Variants in FGD5 observed in about 807,000 individuals in gnomAD.
FGD5 encodes the protein FYVE, RhoGEF and PH domain containing 5.
A neutral mutation model predicts 133.4 loss-of-function variants in FGD5; 28 were observed. The ratio of observed to expected loss-of-function variants is 0.21; its 90% CI spans 0.16 to 0.29. FGD5 has a LOEUF of 0.29. Ranked by LOEUF, FGD5 falls within the 10% of genes least tolerant of loss-of-function variation. The probability of loss-of-function intolerance (pLI) is 1.00; values close to 1 mark genes in which losing one functional copy is unlikely to be tolerated. For missense variants in FGD5, 1,858 were observed against 1,895.2 expected (o/e 0.98, Z 0.36); for synonymous variants, 810 against 776.5 (o/e 1.04, Z -0.72).
chr3:14,845,934 G>T (rs114334392), intron 1 of FGD5, among the ~76,000 whole-genome samples: 2 of 152,160 alleles, frequency 1.3e-5, no homozygotes, highest in Non-Finnish European at 2.9e-5. Flanking sequence ...AGACATGAAG[G>T]ATGTGGAGTG....
chr3:14,898,796 C>T lies in FGD5; in HGVS notation c.3124C>T (p.Arg1042Cys), dbSNP rs1186736840. ...AKHRLLRVVQRLFQYQVLLTD... is the reference protein window; with the variant it reads ...AKHRLLRVVQCLFQYQVLLTD... ...GCATCGGCTGCTGCGGGTGGTTCAA[C>T]GCCTCTTCCAGTACCAAGTGCTCCT... is the stretch of plus-strand genomic sequence containing the variant. The change falls in exon 7 of 20, where the codon CGC (arginine) becomes TGC (cysteine). Residue 1042 changes from arginine to cysteine, a missense_variant. Around this residue, in one of 3 missense-constraint regions of FGD5, gnomAD observed 1,824 missense variants for 1,848.9 expected, o/e 0.99. Transcript: ENST00000285046. The T allele has an allele frequency of 1.9e-6, 3 of 1,581,868 alleles. No homozygotes were observed. The highest frequency in any genetic ancestry group is 1.8e-5 in the Admixed American group (1 of 55,294).
intron 2 of FGD5, among the ~76,000 whole-genome samples, chr3:14,878,925 T>A (rs1475721515): frequency 2.0e-5 from 3 of 152,102 alleles, no homozygotes; most frequent in African/African-American, 7.2e-5. Flanking sequence ...GCCAGGCTGG[T>A]CTCGAACTCT....
At position 14,917,065 on chromosome 3, in the gene FGD5, G is replaced by A. The variant is rs145974215; in HGVS notation, c.3406-184G>A. 2.6e-5 allele frequency among the ~76,000 whole-genome samples: 4 copies of A among 152,252 alleles called. No homozygotes were observed. The highest frequency in any genetic ancestry group is 6.5e-5 in the Admixed American group (1 of 15,292). ...TATGCATTTATTCCTCTCAAGCATCGAACCAGGAGTAGAGTGGCAAGGAAG... is the reference window on the plus strand; with the variant it reads ...TATGCATTTATTCCTCTCAAGCATCAAACCAGGAGTAGAGTGGCAAGGAAG... On this transcript the variant is annotated intron_variant, in intron 11 of 19. Transcript: ENST00000285046. The surrounding 1 kb of genome is among the most constrained non-coding windows in gnomAD (Gnocchi z 4.1).
rs71268415 is a variant in FGD5, at chr3:14,854,389, T to TTTTATTTATTTATTTA, written c.2526-9708_2526-9693dup. Among the ~76,000 whole-genome samples the TTTTATTTATTTATTTA allele has an allele frequency of 2.0e-4, 27 of 137,612 alleles. No homozygotes were observed. The East Asian group carries it at 2.8e-3, about 14-fold the overall frequency. The allele number at this position is 137,612 out of a possible 152,430, so 90.3% of individuals were successfully genotyped here. On this transcript the variant is annotated intron_variant, in intron 1 of 19. Transcript: ENST00000285046. ...GTCCTTTATTTTTTGTTTCTTTTCT[T>TTTTATTTATTTATTTA]TTTATTTATTTATTTATTTATTTAT...
chr3:14,837,062 C>T (rs1390121224), intron 1 of FGD5, among the ~76,000 whole-genome samples: 1 of 152,090 alleles, frequency 6.6e-6, no homozygotes, highest in African/African-American at 2.4e-5. Context: ...CAGGGAGGGA[C>T]AGAAAGGAGG....
At chr3:14,849,057 A>G (rs367614571) in intron 1 of FGD5, among the ~76,000 whole-genome samples, 1 of 152,318 alleles carries the variant, frequency 6.6e-6, no homozygotes. Flanking sequence ...GGAAGACCAC[A>G]TGAGTGACAT....
intron 13 of FGD5, 100 bp downstream of exon 13, chr3:14,918,933 C>T (rs1240416237): frequency 7.4e-5 from 96 of 1,297,282 alleles, no homozygotes; most frequent in Non-Finnish European, 9.3e-5. Context: ...TTTTGGTATC[C>T]TTCTGGGTCA....
intron 1 of FGD5, among the ~76,000 whole-genome samples, chr3:14,822,395 G>A (rs2036521610): frequency 6.6e-6 from 1 of 151,996 alleles, no homozygotes; most frequent in African/African-American, 2.4e-5. Flanking sequence ...TATTCAACAG[G>A]GAACTAGAAA....
At chr3:14,823,370 T>C (rs2036542015) in intron 1 of FGD5, among the ~76,000 whole-genome samples, 1 of 152,206 alleles carries the variant, frequency 6.6e-6, no homozygotes, top group African/African-American at 2.4e-5. Context: ...ACTCTGATCA[T>C]GAGGAAGAGT....
chr3:14,924,315 C>T (rs1317879187), intron 17 of FGD5, among the ~76,000 whole-genome samples, 177 bp downstream of exon 17: 2 of 152,098 alleles, frequency 1.3e-5, no homozygotes, highest in Non-Finnish European at 2.9e-5. Flanking sequence ...TGGTGCTAGG[C>T]GACATCTTTC....
chr3:14,898,903 TG>T, intron 7 of FGD5, 77 bp downstream of exon 7: 1 of 1,307,756 alleles, frequency 7.6e-7, no homozygotes. Context: ...GAGGGGACTG[TG>T]GTGACCTTGC....
rs1455988506 is a variant in FGD5, at chr3:14,933,228, A to G, written c.*61A>G. The G allele has an allele frequency of 7.6e-6, 12 of 1,580,352 alleles. No homozygotes were observed. The highest frequency in any genetic ancestry group is 1.0e-5 in the Non-Finnish European group (12 of 1,157,936). On this transcript the variant is annotated 3_prime_UTR_variant, in exon 20 of 20. Transcript: ENST00000285046. ...AGGTCAATATGTGAATGCTTTTAGA[A>G]GCTAAGCTGTGGCTCAACTCATCCG...
intron 2 of FGD5, among the ~76,000 whole-genome samples, chr3:14,865,996 C>G (rs2037486596): frequency 6.6e-6 from 1 of 152,160 alleles, no homozygotes; most frequent in African/African-American, 2.4e-5. Flanking sequence ...AGATTTGGTC[C>G]CCACCCTGAA....
intron 4 of FGD5, among the ~76,000 whole-genome samples, chr3:14,893,764 T>C (rs1406950980): frequency 1.1e-4 from 15 of 141,210 alleles, no homozygotes; most frequent in Non-Finnish European, 2.3e-4. Flanking sequence ...TTTTTTTTTT[T>C]TTTTTTTTGA....
At chr3:14,830,718 C>T (rs113625583) in intron 1 of FGD5, among the ~76,000 whole-genome samples, 6,350 of 152,242 alleles carry the variant, frequency 0.042, 189 homozygotes, top group Middle Eastern at 0.085. Context: ...GGTATTTGGG[C>T]CTCACTTTCC....
At chr3:14,902,231 G>C (rs1167331326) in intron 9 of FGD5, among the ~76,000 whole-genome samples, 2 of 149,736 alleles carry the variant, frequency 1.3e-5, no homozygotes, top group African/African-American at 2.5e-5. Context: ...GCAGTGACCC[G>C]AGACCATGGC....
At chr3:14,870,348 T>C (rs1361445129) in intron 2 of FGD5, among the ~76,000 whole-genome samples, 2 of 152,158 alleles carry the variant, frequency 1.3e-5, no homozygotes, top group Non-Finnish European at 1.5e-5. Flanking sequence ...CATGGCCATA[T>C]TGAAGCCTCC....
intron 9 of FGD5, among the ~76,000 whole-genome samples, chr3:14,904,492 A>G (rs1023866148): frequency 1.6e-5 from 2 of 122,688 alleles, no homozygotes; most frequent in South Asian, 2.9e-4. Flanking sequence ...GGTGTCATCA[A>G]TATAGATTTC....
chr3:14,895,210 G>A (rs530595715), intron 4 of FGD5, among the ~76,000 whole-genome samples: 3 of 152,278 alleles, frequency 2.0e-5, no homozygotes, highest in Non-Finnish European at 4.4e-5. Context: ...TTAGACTGAT[G>A]TAGTCCCATT....
Sources: gnomAD v4.1 joint callset for allele counts (sites outside exome capture counted in the v4.1 genomes callset) on GRCh38, gnomAD v4.1.1 for gene constraint, gnomAD v4.1.1 regional missense constraint, Gnocchi (gnomAD v3.1) non-coding constraint, MANE v1.5 for transcripts, NCBI Gene and HGNC (gene_info 2026-07-23, HGNC 2026-07-21) for gene names.